The following PTPRD variants were observed in gnomAD, a reference collection of about 807,000 sequenced individuals.
PTPRD encodes protein tyrosine phosphatase receptor type D.
In PTPRD, 34 loss-of-function variants were observed where a neutral mutation model predicts 214.5. The observed-to-expected ratio is 0.16, with a 90% confidence interval of 0.12 to 0.21. PTPRD has a LOEUF of 0.21. PTPRD is among the 10% of genes least tolerant of loss of function. PTPRD has a pLI of 1.00. For synonymous variants in PTPRD, 1,128 were observed against 845.7 expected, an observed-to-expected ratio of 1.33 and a Z score of -5.79; for missense variants, 2,545 against 2,398.7, an observed-to-expected ratio of 1.06 and a Z score of -1.27.
At chr9:10,393,862 T>A (rs924423688) in intron 2 of PTPRD, among the ~76,000 whole-genome samples, 10 of 148,522 alleles carry the variant, frequency 6.7e-5, no homozygotes, top group African/African-American at 2.2e-4. Context: ...CATAGAATCA[T>A]CCTGATCCTT....
intron 39 of PTPRD, among the ~76,000 whole-genome samples, chr9:8,350,071 C>T (rs1329036632): frequency 6.6e-6 from 1 of 151,868 alleles, no homozygotes; most frequent in Non-Finnish European, 1.5e-5. Flanking sequence ...CCAGTTACAA[C>T]ATTTGTTTTC....
At chr9:8,777,155 G>T (rs1319957541) in intron 11 of PTPRD, among the ~76,000 whole-genome samples, 1 of 151,492 alleles carries the variant, frequency 6.6e-6, no homozygotes, top group East Asian at 1.9e-4. Flanking sequence ...TTTTGTTGTT[G>T]TTTTTTAGAG....
chr9:9,104,270 A>T (rs2099795410), intron 10 of PTPRD, among the ~76,000 whole-genome samples: 1 of 152,176 alleles, frequency 6.6e-6, no homozygotes, highest in African/African-American at 2.4e-5. Flanking sequence ...GGGCAAAAAA[A>T]TTCAAAATTC....
chr9:9,404,063 A>G (rs1394243004), intron 8 of PTPRD, among the ~76,000 whole-genome samples: 1 of 152,072 alleles, frequency 6.6e-6, no homozygotes, highest in Non-Finnish European at 1.5e-5. Flanking sequence ...AGCAACAGAA[A>G]GAAGGCCAAT....
At chr9:9,225,825 T>C (rs1023005981) in intron 9 of PTPRD, among the ~76,000 whole-genome samples, 9 of 152,000 alleles carry the variant, frequency 5.9e-5, no homozygotes, top group African/African-American at 9.7e-5. Flanking sequence ...ACAGTTTGAA[T>C]AGTGTCTTTA....
intron 4 of PTPRD, among the ~76,000 whole-genome samples, chr9:10,005,588 T>G (rs1029522034): frequency 6.6e-6 from 1 of 152,092 alleles, no homozygotes; most frequent in Non-Finnish European, 1.5e-5. Flanking sequence ...CCTAAAGAAA[T>G]AGTAGAAATG....
At chr9:9,483,150 T>C (rs973571728) in intron 8 of PTPRD, among the ~76,000 whole-genome samples, 2 of 152,190 alleles carry the variant, frequency 1.3e-5, no homozygotes, top group African/African-American at 4.8e-5. Context: ...AATGCTTCTT[T>C]GTCTTAGAAA....
At chr9:10,559,574 A>T (rs949938807) in intron 2 of PTPRD, among the ~76,000 whole-genome samples, 1 of 152,166 alleles carries the variant, frequency 6.6e-6, no homozygotes, top group Non-Finnish European at 1.5e-5. Flanking sequence ...TAATTAAACT[A>T]AAGAGCTTCT....
intron 21 of PTPRD, among the ~76,000 whole-genome samples, chr9:8,512,519 T>C (rs928949816): frequency 1.3e-5 from 2 of 152,056 alleles, no homozygotes; most frequent in African/African-American, 4.8e-5. Flanking sequence ...TGAAATGATT[T>C]ATAAACTTCT....
intron 3 of PTPRD, among the ~76,000 whole-genome samples, chr9:10,066,579 C>A (rs1231401540): frequency 1.3e-5 from 2 of 151,760 alleles, no homozygotes; most frequent in East Asian, 3.9e-4. Context: ...TAAAATCATG[C>A]CTCCATGGGG....
At chr9:10,024,470 G>T (rs953846287) in intron 4 of PTPRD, among the ~76,000 whole-genome samples, 1 of 152,080 alleles carries the variant, frequency 6.6e-6, no homozygotes, top group African/African-American at 2.4e-5. Flanking sequence ...CTTTCATAAT[G>T]TGATACTTTA....
chr9:8,639,309 GA>G (rs1246156717), intron 12 of PTPRD, among the ~76,000 whole-genome samples: 3 of 152,092 alleles, frequency 2.0e-5, no homozygotes, highest in African/African-American at 4.8e-5. Context: ...GTAACCAATG[GA>G]AAAATTATAA....
chr9:9,570,748 T>C (rs565202303), intron 8 of PTPRD, among the ~76,000 whole-genome samples: 8 of 151,580 alleles, frequency 5.3e-5, no homozygotes, highest in Non-Finnish European at 1.0e-4. Context: ...TTGCGCTCAA[T>C]ATTTCATCAT....
chr9:8,772,752 CT>C (rs2095288981), intron 11 of PTPRD, among the ~76,000 whole-genome samples: 1 of 150,892 alleles, frequency 6.6e-6, no homozygotes, highest in Non-Finnish European at 1.5e-5. Context: ...ATTTTTTTTT[CT>C]CATGAGTATA....
intron 11 of PTPRD, among the ~76,000 whole-genome samples, chr9:8,798,687 T>C (rs2096499669): frequency 6.6e-6 from 1 of 152,216 alleles, no homozygotes; most frequent in South Asian, 2.1e-4. Context: ...GTTGCAATTC[T>C]GCAGTTCATA....
intron 3 of PTPRD, among the ~76,000 whole-genome samples, chr9:10,145,225 A>C (rs768996176): frequency 2.6e-5 from 4 of 152,094 alleles, no homozygotes; most frequent in Non-Finnish European, 5.9e-5. Context: ...TTCTTGATGA[A>C]GCCACATATA....
chr9:8,919,836 A>ATAGATG (rs559440771), intron 11 of PTPRD, among the ~76,000 whole-genome samples: 19 of 121,252 alleles, frequency 1.6e-4, no homozygotes, highest in Non-Finnish European at 3.6e-4. Context: ...ACATGCATAC[A>ATAGATG]TACGTGCATG....
chr9:9,281,147 G>A (rs1349691243), intron 9 of PTPRD, among the ~76,000 whole-genome samples: 3 of 151,228 alleles, frequency 2.0e-5, no homozygotes, highest in South Asian at 4.1e-4. Flanking sequence ...ATGCAGAACT[G>A]TATAATGAGT....
At chr9:9,477,353 A>C (rs796852934) in intron 8 of PTPRD, among the ~76,000 whole-genome samples, 6 of 152,318 alleles carry the variant, frequency 3.9e-5, no homozygotes, top group African/African-American at 1.4e-4. Context: ...CATGTTTCTC[A>C]TAAGTGGGAT....
Sources: allele counts gnomAD v4.1 joint callset (sites outside exome capture counted in the v4.1 genomes callset), GRCh38; gene constraint gnomAD v4.1.1; transcripts MANE v1.5; gene names NCBI Gene and HGNC (gene_info 2026-07-23, HGNC 2026-07-21).